The following NALF1 variants were observed in gnomAD, a reference collection of about 807,000 sequenced individuals.
NALF1 encodes NALCN channel auxiliary factor 1.
Under a neutral mutation model 48.4 loss-of-function variants are expected in NALF1, and 3 were observed. The observed-to-expected ratio is 0.06, with a 90% CI of 0.03 to 0.16. The LOEUF (loss-of-function observed/expected upper bound fraction) is 0.16, where lower values mean the gene tolerates loss of function less well. NALF1 is among the 10% of genes least tolerant of loss of function. NALF1 has a pLI of 1.00. For missense variants in NALF1, 526 were observed against 571.5 expected (o/e 0.92, Z 0.81); for synonymous variants, 262 against 245.7 (o/e 1.07, Z -0.62).
chr13:107,781,472 A>T (rs765840633), intron 1 of NALF1, among the ~76,000 whole-genome samples: 43 of 152,190 alleles, frequency 2.8e-4, no homozygotes, highest in Non-Finnish European at 5.6e-4. Context: ...ACCCCTACAT[A>T]TAAATACTCT....
intron 1 of NALF1, among the ~76,000 whole-genome samples, chr13:107,544,720 T>C (rs1433588604): frequency 2.0e-5 from 3 of 152,200 alleles, no homozygotes; most frequent in Non-Finnish European, 4.4e-5. Context: ...AGCCTATTAT[T>C]GACACCAACT....
At chr13:107,317,926 A>G (rs1253859323) in intron 1 of NALF1, among the ~76,000 whole-genome samples, 1 of 152,034 alleles carries the variant, frequency 6.6e-6, no homozygotes, top group Non-Finnish European at 1.5e-5. Context: ...GTAGAGCATT[A>G]AAATGTTAAA....
intron 1 of NALF1, among the ~76,000 whole-genome samples, chr13:107,847,514 A>AT (rs1880204199): frequency 6.6e-6 from 1 of 152,344 alleles, no homozygotes; most frequent in Admixed American, 6.5e-5. Flanking sequence ...ATGACATTAC[A>AT]TAAGATTGAA....
chr13:107,544,808 G>A (rs1877092264), intron 1 of NALF1, among the ~76,000 whole-genome samples: 1 of 152,162 alleles, frequency 6.6e-6, no homozygotes, highest in African/African-American at 2.4e-5. Flanking sequence ...GACTAGAGAA[G>A]TAGAAAAGAG....
intron 1 of NALF1, among the ~76,000 whole-genome samples, chr13:107,400,774 C>G (rs142283811): frequency 0.014 from 2,104 of 152,252 alleles, 24 homozygotes; most frequent in South Asian, 0.034. Flanking sequence ...TGCATAAACA[C>G]TTAGAAAACT....
intron 1 of NALF1, among the ~76,000 whole-genome samples, chr13:107,782,502 G>A (rs906262056): frequency 2.0e-5 from 3 of 152,062 alleles, no homozygotes; most frequent in Non-Finnish European, 4.4e-5. Flanking sequence ...GAGCGTCTCT[G>A]CCTGGCCGCC....
intron 1 of NALF1, among the ~76,000 whole-genome samples, chr13:107,526,293 T>C (rs564127999): frequency 6.6e-6 from 1 of 152,286 alleles, no homozygotes; most frequent in African/African-American, 2.4e-5. Context: ...ACAGTGCCTC[T>C]GAACTCACCT....
chr13:107,605,265 G>A lies in NALF1; in HGVS notation c.915+260417C>T, dbSNP rs1397452647. On this transcript the variant is annotated intron_variant, in intron 1 of 2. Transcript: ENST00000375915. Reference sequence around the variant, plus strand: ...GTCAGAATTCTAAGAACTTGAATGTGCTTCCTTTCCAGTGAAATAGTTGAA... The same window carrying A: ...GTCAGAATTCTAAGAACTTGAATGTACTTCCTTTCCAGTGAAATAGTTGAA... Among the ~76,000 whole-genome samples the A allele has an allele frequency of 3.1e-4, 47 of 152,124 alleles. 1 individual carries two copies. Among genetic ancestry groups the A allele is most frequent in the Non-Finnish European group, 4.4e-5 (3 of 68,018 alleles).
intron 1 of NALF1, among the ~76,000 whole-genome samples, chr13:107,515,497 CT>C (rs1304979444): frequency 1.3e-5 from 2 of 152,172 alleles, no homozygotes; most frequent in African/African-American, 4.8e-5. Flanking sequence ...ACAGACTTAG[CT>C]AACCAGAGAC....
At chr13:107,708,954 G>A (rs537548399) in intron 1 of NALF1, among the ~76,000 whole-genome samples, 3 of 152,204 alleles carry the variant, frequency 2.0e-5, no homozygotes, top group South Asian at 2.1e-4. Context: ...TTCCATTTAT[G>A]TTTACCAGAA....
rs75900855 is a variant in NALF1 at position 107,461,333 on chromosome 13, G to A, written c.916-250578C>T. 7.0e-3 allele frequency among the ~76,000 whole-genome samples: 1,068 copies of A among 152,176 alleles called. 40 individuals carry two copies. The East Asian group carries it at 0.11, about 16-fold the overall frequency. ...AATCAAAACTATTTATTAACATGAA[G>A]TAATTAAACTTGAATGAAATCGTGC... On this transcript the variant is annotated intron_variant, in intron 1 of 2. Transcript: ENST00000375915.
intron 1 of NALF1, among the ~76,000 whole-genome samples, chr13:107,481,889 G>C (rs1885259894): frequency 6.6e-6 from 1 of 152,148 alleles, no homozygotes. Flanking sequence ...ATAAGCTTTA[G>C]TAGAAGTAGA....
At chr13:107,430,986 G>T (rs1021999101) in intron 1 of NALF1, among the ~76,000 whole-genome samples, 1 of 151,992 alleles carries the variant, frequency 6.6e-6, no homozygotes, top group Non-Finnish European at 1.5e-5. Flanking sequence ...TTTAATGATC[G>T]CCATTCTAAC....
chr13:107,319,969 T>C (rs41466846), intron 1 of NALF1, among the ~76,000 whole-genome samples: 6,651 of 152,182 alleles, frequency 0.044, 230 homozygotes, highest in East Asian at 0.19. Context: ...TTTGAAGTAC[T>C]TGTGACACAC....
intron 1 of NALF1, among the ~76,000 whole-genome samples, chr13:107,859,548 G>T (rs146382755): frequency 6.6e-6 from 1 of 152,144 alleles, no homozygotes; most frequent in Non-Finnish European, 1.5e-5. Context: ...ACAACTGTAA[G>T]TCATTAACAA....
chr13:107,832,625 A>T (rs1594301630), intron 1 of NALF1, among the ~76,000 whole-genome samples: 1 of 152,126 alleles, frequency 6.6e-6, no homozygotes, highest in East Asian at 1.9e-4. Context: ...TGGAAGGGTC[A>T]GGGTCCTTCG....
chr13:107,853,034 T>G (rs1223664077), intron 1 of NALF1, among the ~76,000 whole-genome samples: 1 of 145,614 alleles, frequency 6.9e-6, no homozygotes, highest in Non-Finnish European at 1.5e-5. Flanking sequence ...TGAGTGAATA[T>G]GATTTTTTCC....
chr13:107,349,405 A>G (rs1007599100), intron 1 of NALF1, among the ~76,000 whole-genome samples: 1 of 152,106 alleles, frequency 6.6e-6, no homozygotes, highest in African/African-American at 2.4e-5. Flanking sequence ...CTTGGAGAGT[A>G]AAAGTTCTGT....
intron 1 of NALF1, among the ~76,000 whole-genome samples, chr13:107,380,630 T>C (rs370873686): frequency 7.9e-5 from 12 of 152,248 alleles, no homozygotes; most frequent in African/African-American, 2.9e-4. Context: ...AAAAATATTC[T>C]ATTTTGAAGG....
Sources: gnomAD v4.1 joint callset for allele counts (sites outside exome capture counted in the v4.1 genomes callset) on GRCh38, gnomAD v4.1.1 for gene constraint, MANE v1.5 for transcripts, NCBI Gene and HGNC (gene_info 2026-07-23, HGNC 2026-07-21) for gene names.